The following MCPH1 variants were observed in gnomAD, a reference collection of about 807,000 sequenced individuals.
MCPH1 encodes microcephalin 1.
In MCPH1, 104 loss-of-function variants were observed where a neutral mutation model predicts 84.5. The ratio of observed to expected loss-of-function variants is 1.23; its 90% confidence interval spans 1.05 to 1.45. The LOEUF (loss-of-function observed/expected upper bound fraction) is 1.45. MCPH1 is among the 40% of genes most tolerant of loss of function. The pLI, the probability that MCPH1 is intolerant of heterozygous loss-of-function variation, is 0.00. For missense variants in MCPH1, 1,498 were observed against 1,005.7 expected (o/e 1.49, Z -6.62); for synonymous variants, 514 against 366.8 (o/e 1.40, Z -4.58).
intron 12 of MCPH1, among the ~76,000 whole-genome samples, chr8:6,557,036 G>T (rs1208232621): frequency 6.6e-6 from 1 of 152,182 alleles, no homozygotes; most frequent in African/African-American, 2.4e-5. Context: ...CCTAGGAGGG[G>T]TGGGCGGGGT....
chr8:6,433,964 C>T (rs2442518), intron 4 of MCPH1, among the ~76,000 whole-genome samples: 101,608 of 151,998 alleles, frequency 0.67, 38,109 homozygotes, highest in Non-Finnish European at 0.81. Context: ...GTTATCTGTT[C>T]CCTCTGTCTG....
intron 12 of MCPH1, chr8:6,521,365 G>A (rs764515002): frequency 6.2e-7 from 1 of 1,613,614 alleles, no homozygotes; most frequent in South Asian, 1.1e-5. Context: ...ACTGTAGTTG[G>A]ATGATGTGCT....
intron 4 of MCPH1, among the ~76,000 whole-genome samples, chr8:6,434,756 G>C (rs193122223): frequency 6.6e-6 from 1 of 152,196 alleles, no homozygotes; most frequent in African/African-American, 2.4e-5. Context: ...TAGCGTTTAC[G>C]TGGGTAGCTA....
intron 9 of MCPH1, among the ~76,000 whole-genome samples, chr8:6,470,424 C>T (rs1210570110): frequency 2.0e-5 from 3 of 152,124 alleles, no homozygotes; most frequent in Non-Finnish European, 4.4e-5. Context: ...GCTGGGATTA[C>T]AGGTTTCCTG....
At chr8:6,541,659 T>C (rs1469475224) in intron 12 of MCPH1, among the ~76,000 whole-genome samples, 1 of 152,224 alleles carries the variant, frequency 6.6e-6, no homozygotes, top group Non-Finnish European at 1.5e-5. Context: ...GTAGTGATGT[T>C]TTCCCTACAG....
chr8:6,406,936 T>G, intron 1 of MCPH1: 1 of 492,206 alleles, frequency 2.0e-6, no homozygotes, highest in Non-Finnish European at 3.7e-6. Context: ...TCTCCCGTGC[T>G]CCCTGTCCCC....
At chr8:6,413,320 CT>C (rs1442819349) in intron 2 of MCPH1, among the ~76,000 whole-genome samples, 1 of 151,834 alleles carries the variant, frequency 6.6e-6, no homozygotes, top group Non-Finnish European at 1.5e-5. Flanking sequence ...ATTACCCACT[CT>C]TTTAATATTT....
intron 9 of MCPH1, among the ~76,000 whole-genome samples, chr8:6,476,873 A>G (rs1440211412): frequency 6.6e-6 from 1 of 152,202 alleles, no homozygotes; most frequent in African/African-American, 2.4e-5. Context: ...GCATACACAT[A>G]CACACACACT....
chr8:6,480,882 C>G lies in MCPH1; in HGVS notation c.2136+6C>G. On this transcript the variant is annotated splice_donor_region_variant and intron_variant, in intron 11 of 13. Transcript: ENST00000344683. Reference sequence around the variant, plus strand: ...GGGTTCTCTCTTATGATTGGGTAAGCCCTGTGTGTGAACTGCGTATTTTAA... The same window carrying G: ...GGGTTCTCTCTTATGATTGGGTAAGGCCTGTGTGTGAACTGCGTATTTTAA... The G allele has an allele frequency of 1.9e-6, 3 of 1,613,708 alleles. No homozygotes were observed. Among genetic ancestry groups the G allele is most frequent in the Non-Finnish European group, 2.5e-6 (3 of 1,180,016 alleles).
At chr8:6,558,025 C>G (rs1459524457) in intron 12 of MCPH1, among the ~76,000 whole-genome samples, 1 of 152,162 alleles carries the variant, frequency 6.6e-6, no homozygotes, top group Non-Finnish European at 1.5e-5. Context: ...CTCTCCTGCC[C>G]CTGCCCCCAC....
chr8:6,581,594 A>C (rs78311224), intron 12 of MCPH1, among the ~76,000 whole-genome samples: 1 of 152,224 alleles, frequency 6.6e-6, no homozygotes, highest in Non-Finnish European at 1.5e-5. Flanking sequence ...TACAAAACAC[A>C]GTTAGGAAGT....
chr8:6,531,468 T>C (rs992661624), intron 12 of MCPH1, among the ~76,000 whole-genome samples: 2 of 152,076 alleles, frequency 1.3e-5, no homozygotes, highest in Non-Finnish European at 2.9e-5. Context: ...TGTTTGTATT[T>C]TTTAGTAGAG....
intron 11 of MCPH1, among the ~76,000 whole-genome samples, chr8:6,488,322 A>C (rs1810175154): frequency 6.6e-6 from 1 of 152,330 alleles, no homozygotes; most frequent in Non-Finnish European, 1.5e-5. Context: ...GATACCAAAA[A>C]GTGATTCATC....
At chr8:6,415,771 A>G (rs1170361416) in intron 3 of MCPH1, among the ~76,000 whole-genome samples, 2 of 152,116 alleles carry the variant, frequency 1.3e-5, no homozygotes, top group African/African-American at 4.8e-5. Flanking sequence ...TTCCTTGCTA[A>G]GATTGTTTGG....
intron 3 of MCPH1, among the ~76,000 whole-genome samples, chr8:6,423,370 TTAGCCAGGATGG>T (rs1800550899): frequency 6.6e-6 from 1 of 151,332 alleles, no homozygotes; most frequent in Non-Finnish European, 1.5e-5. Flanking sequence ...TTTCACCGTG[TTAGCCAGGATGG>T]TCTCCATCTC....
chr8:6,441,102 T>A (rs1585782807), intron 6 of MCPH1, among the ~76,000 whole-genome samples: 1 of 152,206 alleles, frequency 6.6e-6, no homozygotes, highest in Non-Finnish European at 1.5e-5. Flanking sequence ...TGGCCACCCC[T>A]TTTGCAAGCA....
intron 12 of MCPH1, chr8:6,509,007 G>A (rs1814375532): frequency 2.5e-6 from 4 of 1,613,996 alleles, no homozygotes; most frequent in Non-Finnish European, 2.5e-6. Context: ...TCATTTCCTG[G>A]TTGGCTGATG....
chr8:6,584,688 C>G (rs1422757178), intron 12 of MCPH1, among the ~76,000 whole-genome samples: 3 of 152,200 alleles, frequency 2.0e-5, no homozygotes, highest in Non-Finnish European at 4.4e-5. Context: ...ATATACAAAG[C>G]AGTTTGTAGT....
At chr8:6,491,579 C>G (rs1487217846) in intron 11 of MCPH1, among the ~76,000 whole-genome samples, 2 of 151,744 alleles carry the variant, frequency 1.3e-5, no homozygotes, top group African/African-American at 4.8e-5. Flanking sequence ...CACTCATTAA[C>G]TCGTCATTTA....
Sources: allele counts gnomAD v4.1 joint callset (sites outside exome capture counted in the v4.1 genomes callset), GRCh38; gene constraint gnomAD v4.1.1; transcripts MANE v1.5; gene names NCBI Gene and HGNC (gene_info 2026-07-23, HGNC 2026-07-21).